PRKN: variants seen among roughly 807,000 people sequenced by gnomAD.
PRKN encodes E3 ubiquitin-protein ligase parkin.
Under a neutral mutation model 59.5 loss-of-function variants are expected in PRKN, and 56 were observed. The observed-to-expected ratio is 0.94, with a 90% CI of 0.76 to 1.18. The LOEUF is 1.18. Ranked by LOEUF, PRKN falls within the 50% of genes most tolerant of loss-of-function variation. The pLI is 0.00. For missense variants in PRKN, 657 were observed against 596.4 expected (o/e 1.10, Z -1.06); for synonymous variants, 250 against 222.1 (o/e 1.13, Z -1.12).
chr6:161,931,227 G>C (rs1779160121), intron 6 of PRKN, among the ~76,000 whole-genome samples: 1 of 152,164 alleles, frequency 6.6e-6, no homozygotes, highest in Non-Finnish European at 1.5e-5. Flanking sequence ...TTTGAGGTTA[G>C]GAGTTTGAGG....
In PRKN at chr6:161,498,949, G is replaced by C. The variant is rs1357851435; in HGVS notation, c.1083+49905C>G. Among the ~76,000 whole-genome samples the C allele has an allele frequency of 6.6e-6, 1 of 152,050 alleles. No individual in the cohort carries two copies. Among genetic ancestry groups the C allele is most frequent in the Non-Finnish European group, 1.5e-5 (1 of 68,010 alleles). On this transcript the variant is annotated intron_variant, in intron 9 of 11. Transcript: ENST00000366898. This position sits in a 1 kb window ranked among gnomAD's most constrained non-coding sequence, Gnocchi z 4.2. ...GGTGAGTGTGTGTGTATGGGGATGGGGGAGGATTGAGATTCTTCTTTATCT... is the reference window on the plus strand; with the variant it reads ...GGTGAGTGTGTGTGTATGGGGATGGCGGAGGATTGAGATTCTTCTTTATCT...
Position 161,413,766 on chromosome 6 carries a change from T to G in PRKN, c.1084-26889A>C, listed in dbSNP as rs1787702182. On this transcript the variant is annotated intron_variant, in intron 9 of 11. Coordinates refer to ENST00000366898, the MANE Select transcript of PRKN (RefSeq NM_004562.3). The surrounding 1 kb of genome is among the most constrained non-coding windows in gnomAD (Gnocchi z 4.4). Reference sequence around the variant, plus strand: ...CAAGGATAATGCCACACAAATGAGATGTTCCAGCTCCCTAGCTCTGAGGAA... The same window carrying G: ...CAAGGATAATGCCACACAAATGAGAGGTTCCAGCTCCCTAGCTCTGAGGAA... Among the ~76,000 whole-genome samples the G allele has an allele frequency of 6.6e-6, 1 of 152,140 alleles. No individual in the cohort carries two copies. The highest frequency in any genetic ancestry group is 2.4e-5 in the African/African-American group (1 of 41,416).
intron 7 of PRKN, among the ~76,000 whole-genome samples, chr6:161,675,377 G>C (rs1165799691): frequency 6.6e-6 from 1 of 151,994 alleles, no homozygotes; most frequent in Non-Finnish European, 1.5e-5. Context: ...TGGAAACATA[G>C]AGAGGAGCGC....
At chr6:161,649,035 ACC>A (rs1348974116) in intron 7 of PRKN, among the ~76,000 whole-genome samples, 3 of 152,218 alleles carry the variant, frequency 2.0e-5, no homozygotes, top group Non-Finnish European at 2.9e-5. Flanking sequence ...AGCTAAATAC[ACC>A]ACCTGTAATT....
chr6:162,340,918 T>C (rs1346085131), intron 2 of PRKN, among the ~76,000 whole-genome samples: 1 of 152,018 alleles, frequency 6.6e-6, no homozygotes, highest in East Asian at 1.9e-4. Context: ...ACTTGACAAA[T>C]GGGATCTAAT....
intron 6 of PRKN, among the ~76,000 whole-genome samples, chr6:161,841,353 C>CTT (rs35323590): frequency 5.5e-4 from 78 of 142,886 alleles, no homozygotes; most frequent in South Asian, 1.1e-3. Flanking sequence ...TTTCTTTTTC[C>CTT]TTTTTTTTTT....
chr6:162,111,123 T>C (rs903880329), intron 4 of PRKN, among the ~76,000 whole-genome samples: 5 of 152,074 alleles, frequency 3.3e-5, no homozygotes, highest in Admixed American at 6.6e-5. Context: ...ATAATATCAC[T>C]GAGTCAACGT....
chr6:162,157,024 A>T (rs945219823), intron 4 of PRKN, among the ~76,000 whole-genome samples: 1 of 151,852 alleles, frequency 6.6e-6, no homozygotes, highest in African/African-American at 2.4e-5. Flanking sequence ...TTATTTCTTC[A>T]TGGAAGAAGT....
intron 6 of PRKN, among the ~76,000 whole-genome samples, chr6:161,885,014 CT>C (rs1172272999): frequency 2.0e-5 from 3 of 151,664 alleles, no homozygotes; most frequent in Non-Finnish European, 4.4e-5. Flanking sequence ...TTATAGACCC[CT>C]GGTCTAAACT....
intron 4 of PRKN, among the ~76,000 whole-genome samples, chr6:162,061,556 T>C (rs772823611): frequency 1.1e-4 from 17 of 152,188 alleles, no homozygotes; most frequent in Non-Finnish European, 2.1e-4. Context: ...TTCTAAAGCA[T>C]GTATCGCCCT....
Position 162,630,655 on chromosome 6 carries a change from G to C in PRKN, c.7+97007C>G, listed in dbSNP as rs1157316445. Among the ~76,000 whole-genome samples the C allele has an allele frequency of 5.3e-5, 8 of 152,078 alleles. 1 individual carries two copies. The South Asian group carries it at 1.7e-3, about 31-fold the overall frequency. On this transcript the variant is annotated intron_variant, in intron 1 of 11. Transcript: ENST00000366898. Reference sequence around the variant, plus strand: ...ATCAGAAGCAAAGATATCTTTATCTGTAATATTTCCAGTCAATTTCATAGA... The same window carrying C: ...ATCAGAAGCAAAGATATCTTTATCTCTAATATTTCCAGTCAATTTCATAGA...
chr6:161,548,717 T>C lies in PRKN; in HGVS notation c.1083+137A>G, dbSNP rs1395501506. ...GAGTCCTATAAAGGAATTTAAAATC[T>C]ATTTTCTTATATGTAAGTTCAAAGA... On this transcript the variant is annotated intron_variant, in intron 9 of 11. Transcript: ENST00000366898. This position sits in a 1 kb window ranked among gnomAD's most constrained non-coding sequence, Gnocchi z 4.2. The C allele has an allele frequency of 7.4e-6, 6 of 807,898 alleles. No individual in the cohort carries two copies. The highest frequency in any genetic ancestry group is 3.8e-4 in the Middle Eastern group (1 of 2,618). The allele number at this position is 807,898 out of a possible 1,614,324, so 50.0% of individuals were successfully genotyped here.
chr6:162,270,799 C>G (rs1332001146), intron 2 of PRKN: 2 of 151,808 alleles, frequency 1.3e-5, no homozygotes, highest in Non-Finnish European at 2.9e-5. Flanking sequence ...TCTTGGCATT[C>G]TTTCTATTTT....
rs1304826917 is a variant in PRKN, at chr6:161,527,670, C to T, written c.1083+21184G>A. ...TCTTCCCTTGCACTTCCTTTTACTA[C>T]TAGAATGAGAGTTTCCTCTTTCCGT... is the stretch of plus-strand genomic sequence containing the variant. On this transcript the variant is annotated intron_variant, in intron 9 of 11. Coordinates refer to ENST00000366898, the MANE Select transcript of PRKN (RefSeq NM_004562.3). The surrounding 1 kb of genome is among the most constrained non-coding windows in gnomAD (Gnocchi z 4.6). Among the ~76,000 whole-genome samples, 2 of 152,210 alleles carry T rather than the reference C, an allele frequency of 1.3e-5. No individual in the cohort carries two copies. Among genetic ancestry groups the T allele is most frequent in the Non-Finnish European group, 2.9e-5 (2 of 68,036 alleles).
At chr6:161,836,473 C>T (rs899746108) in intron 6 of PRKN, among the ~76,000 whole-genome samples, 2 of 152,194 alleles carry the variant, frequency 1.3e-5, no homozygotes, top group African/African-American at 4.8e-5. Flanking sequence ...ATTTTATCAC[C>T]TCATACGAAG....
chr6:162,289,553 C>T (rs997143998), intron 2 of PRKN, among the ~76,000 whole-genome samples: 1 of 151,814 alleles, frequency 6.6e-6, no homozygotes, highest in East Asian at 1.9e-4. Flanking sequence ...AAAAATTAGC[C>T]GGGCATGATG....
chr6:162,223,612 GACACACACACAC>G (rs34881644), intron 3 of PRKN, among the ~76,000 whole-genome samples: 30 of 129,306 alleles, frequency 2.3e-4, no homozygotes, highest in South Asian at 2.8e-4. Context: ...ATAGACACGT[GACACACACACAC>G]ACACACACAC....
intron 6 of PRKN, among the ~76,000 whole-genome samples, chr6:161,971,059 A>G (rs1780787405): frequency 6.6e-6 from 1 of 152,096 alleles, no homozygotes. Flanking sequence ...ACCTTATTCA[A>G]TCAAGTGGTT....
chr6:162,469,440 C>T (rs1378526553), intron 1 of PRKN, among the ~76,000 whole-genome samples: 9 of 151,238 alleles, frequency 6.0e-5, no homozygotes, highest in East Asian at 2.0e-4. Flanking sequence ...TGCAAAAATG[C>T]GGAACCAGCC....
Sources: allele counts gnomAD v4.1 joint callset (sites outside exome capture counted in the v4.1 genomes callset), GRCh38; gene constraint gnomAD v4.1.1; non-coding constraint Gnocchi (gnomAD v3.1); transcripts MANE v1.5; gene names NCBI Gene and HGNC (gene_info 2026-07-23, HGNC 2026-07-21).